SOX6: variants seen among roughly 807,000 people sequenced by gnomAD.
SOX6 encodes transcription factor SOX-6.
SOX6 carries 11 observed loss-of-function variants against 97.8 expected under a neutral mutation model. That is an observed-to-expected ratio of 0.11 (90% CI 0.07 to 0.19). The LOEUF (loss-of-function observed/expected upper bound fraction) is 0.19, where lower values mean the gene tolerates loss of function less well. Among genes scored for constraint, SOX6 ranks in the 10% least tolerant of loss-of-function variants. SOX6 has a pLI of 1.00. For missense variants in SOX6, 810 were observed against 1,039.5 expected, an observed-to-expected ratio of 0.78 and a Z score of 3.04; for synonymous variants, 360 against 371.4, an observed-to-expected ratio of 0.97 and a Z score of 0.35.
chr11:16,581,226 G>A (rs1428984678), intron 4 of SOX6, among the ~76,000 whole-genome samples: 1 of 152,130 alleles, frequency 6.6e-6, no homozygotes, highest in East Asian at 1.9e-4. Context: ...GCTGGATAAA[G>A]AAAATGTGGT....
intron 6 of SOX6, among the ~76,000 whole-genome samples, chr11:16,130,605 T>C (rs558077587): frequency 1.9e-3 from 294 of 151,894 alleles, no homozygotes; most frequent in Non-Finnish European, 2.6e-3. Context: ...ACAACTCAAA[T>C]CAAAATTCCA....
At chr11:16,656,399 G>C (rs1051291983) in intron 3 of SOX6, among the ~76,000 whole-genome samples, 1 of 152,028 alleles carries the variant, frequency 6.6e-6, no homozygotes, top group African/African-American at 2.4e-5. Flanking sequence ...AGTACATGAC[G>C]TACCAGGAGA....
At chr11:16,583,614 CATATATAT>C (rs534690651) in intron 4 of SOX6, among the ~76,000 whole-genome samples, 5 of 104,704 alleles carry the variant, frequency 4.8e-5, no homozygotes, top group Admixed American at 9.9e-5. Context: ...TATATATATA[CATATATAT>C]ATATATATAT....
rs78626138 is a variant in SOX6 at position 16,432,501 on chromosome 11, C to T, written c.-5+43814G>A. Among the ~76,000 whole-genome samples, 1,366 of 152,100 alleles carry T rather than the reference C, an allele frequency of 9.0e-3. 21 individuals carry two copies. Among genetic ancestry groups the T allele is most frequent in the East Asian group, 0.038 (197 of 5,182 alleles). ...AAATTAAAAAGGTTATTTTTCAATACGAATTATTTTAGATGTATCCAATGA... is the reference window on the plus strand; with the variant it reads ...AAATTAAAAAGGTTATTTTTCAATATGAATTATTTTAGATGTATCCAATGA... On this transcript the variant is annotated intron_variant, in intron 1 of 15. Coordinates refer to the SOX6 transcript ENST00000396356.
At chr11:16,661,559 CT>C (rs1564862344) in intron 3 of SOX6, among the ~76,000 whole-genome samples, 3 of 151,122 alleles carry the variant, frequency 2.0e-5, no homozygotes, top group Admixed American at 2.0e-4. Flanking sequence ...TTTTTCTTTT[CT>C]TTTTTGAGAC....
intron 3 of SOX6, among the ~76,000 whole-genome samples, chr11:16,286,286 A>G (rs1305896358): frequency 6.6e-6 from 1 of 152,110 alleles, no homozygotes; most frequent in Non-Finnish European, 1.5e-5. Flanking sequence ...GACTAACGTC[A>G]TTGCTTAAAG....
intron 6 of SOX6, among the ~76,000 whole-genome samples, chr11:16,163,494 G>A (rs1263732274): frequency 6.6e-6 from 1 of 152,116 alleles, no homozygotes; most frequent in South Asian, 2.1e-4. Flanking sequence ...AGAAGGTTAG[G>A]TAGCATTCAT....
At chr11:16,055,379 T>A (rs920314057) in intron 10 of SOX6, among the ~76,000 whole-genome samples, 2 of 152,156 alleles carry the variant, frequency 1.3e-5, no homozygotes, top group African/African-American at 4.8e-5. Context: ...AATTCTCTGG[T>A]CCTATAAGTT....
chr11:16,074,198 C>T (rs1848293808), intron 9 of SOX6, among the ~76,000 whole-genome samples: 2 of 151,870 alleles, frequency 1.3e-5, no homozygotes, highest in Admixed American at 1.3e-4. Context: ...ATTAATAGAC[C>T]ACTAGCTAGA....
intron 6 of SOX6, among the ~76,000 whole-genome samples, chr11:16,138,542 TA>T (rs1347393330): frequency 5.9e-5 from 9 of 152,050 alleles, no homozygotes; most frequent in East Asian, 5.8e-4. Context: ...TTTATTTTTT[TA>T]TTTTTTTTAT....
chr11:16,517,644 C>T (rs972612474), intron 4 of SOX6, among the ~76,000 whole-genome samples: 9 of 152,154 alleles, frequency 5.9e-5, no homozygotes, highest in South Asian at 2.1e-4. Flanking sequence ...ATATATATTA[C>T]ACCCAATGTT....
intron 3 of SOX6, among the ~76,000 whole-genome samples, chr11:16,620,012 A>T (rs1230821902): frequency 6.6e-6 from 1 of 152,184 alleles, no homozygotes; most frequent in Non-Finnish European, 1.5e-5. Context: ...TACAATTTAT[A>T]TAAAGACCAT....
intron 13 of SOX6, among the ~76,000 whole-genome samples, chr11:15,998,789 T>C (rs750407414): frequency 1.1e-4 from 16 of 152,200 alleles, no homozygotes; most frequent in Admixed American, 3.3e-4. Flanking sequence ...AGATGAATCA[T>C]GACTTAAATC....
chr11:16,403,399 G>C (rs1414126763), intron 1 of SOX6, among the ~76,000 whole-genome samples: 1 of 151,610 alleles, frequency 6.6e-6, no homozygotes, highest in Non-Finnish European at 1.5e-5. Flanking sequence ...CGGCCATACC[G>C]GCACTCTGTA....
At chr11:16,668,484 G>A (rs1027873763) in intron 3 of SOX6, among the ~76,000 whole-genome samples, 3 of 152,110 alleles carry the variant, frequency 2.0e-5, no homozygotes, top group African/African-American at 7.2e-5. Flanking sequence ...AGGAAGAAAG[G>A]ACAGAAGGAA....
chr11:16,574,957 T>C (rs1424718193), intron 4 of SOX6, among the ~76,000 whole-genome samples: 2 of 151,706 alleles, frequency 1.3e-5, no homozygotes, highest in African/African-American at 4.8e-5. Context: ...AGAGAATCGC[T>C]TGAACCCAGG....
At chr11:16,570,238 T>C (rs939127562) in intron 4 of SOX6, among the ~76,000 whole-genome samples, 7 of 152,208 alleles carry the variant, frequency 4.6e-5, no homozygotes, top group Admixed American at 1.3e-4. Flanking sequence ...ATTAAATTCA[T>C]TGAGCTCAGA....
chr11:15,997,858 G>A (rs1478885595), intron 13 of SOX6, among the ~76,000 whole-genome samples: 5 of 152,082 alleles, frequency 3.3e-5, no homozygotes, highest in Non-Finnish European at 5.9e-5. Flanking sequence ...TGAGGTGGGC[G>A]GATCACGAGG....
chr11:16,443,937 C>G (rs1458928515), intron 1 of SOX6, among the ~76,000 whole-genome samples: 1 of 144,782 alleles, frequency 6.9e-6, no homozygotes, highest in East Asian at 2.0e-4. Context: ...CGCTTGAACC[C>G]GGGAGGTGGA....
Sources: gnomAD v4.1 joint callset for allele counts (sites outside exome capture counted in the v4.1 genomes callset) on GRCh38, gnomAD v4.1.1 for gene constraint, MANE v1.5 for transcripts, NCBI Gene and HGNC (gene_info 2026-07-23, HGNC 2026-07-21) for gene names.